Variants in PALM2AKAP2 observed in about 807,000 individuals in gnomAD.
PALM2AKAP2 encodes the protein PALM2-AKAP2 fusion protein.
A neutral mutation model predicts 71.5 loss-of-function variants in PALM2AKAP2; 37 were observed. That is an observed-to-expected ratio of 0.52 (90% CI 0.40 to 0.68). The LOEUF is 0.68. Among genes scored for constraint, PALM2AKAP2 ranks in the 30% least tolerant of loss-of-function variants. PALM2AKAP2 has a pLI of 0.00. For missense variants in PALM2AKAP2, 1,224 were observed against 1,191.8 expected (o/e 1.03, Z -0.40); for synonymous variants, 468 against 478.8 (o/e 0.98, Z 0.29).
chr9:110,150,619 C>A (rs1235048505), intron 2 of PALM2AKAP2, among the ~76,000 whole-genome samples: 4 of 152,174 alleles, frequency 2.6e-5, no homozygotes, highest in Non-Finnish European at 5.9e-5. Context: ...TCTAAAGCAA[C>A]GTATTACAGG....
chr9:110,126,844 A>C (rs1353082089), intron 1 of PALM2AKAP2, among the ~76,000 whole-genome samples: 1 of 152,188 alleles, frequency 6.6e-6, no homozygotes, highest in East Asian at 1.9e-4. Context: ...AACATTTTCC[A>C]GATGTGATTG....
At chr9:110,101,497 C>A (rs972664330) in intron 1 of PALM2AKAP2, among the ~76,000 whole-genome samples, 2 of 152,098 alleles carry the variant, frequency 1.3e-5, no homozygotes, top group African/African-American at 2.4e-5. Flanking sequence ...TCAAGGCAGA[C>A]AAAGGTAGTC....
chr9:109,796,827 C>G (rs1000529633), intron 1 of PALM2AKAP2, among the ~76,000 whole-genome samples: 2 of 152,122 alleles, frequency 1.3e-5, no homozygotes, highest in African/African-American at 4.8e-5. Flanking sequence ...AGGTTCTGCC[C>G]CTGACACATG....
At chr9:109,942,825 T>G (rs766706568) in intron 6 of PALM2AKAP2, 2 of 1,614,026 alleles carry the variant, frequency 1.2e-6, no homozygotes, top group African/African-American at 2.7e-5. Flanking sequence ...AAGTAGTGTA[T>G]GAGGTGCGCT....
At chr9:109,836,851 CA>C (rs748129184) in intron 1 of PALM2AKAP2, among the ~76,000 whole-genome samples, 10 of 152,142 alleles carry the variant, frequency 6.6e-5, no homozygotes, top group Non-Finnish European at 1.5e-4. Context: ...AAGAAATGAA[CA>C]AAGCCTCCAA....
intron 1 of PALM2AKAP2, among the ~76,000 whole-genome samples, chr9:109,666,615 C>T (rs1293783443): frequency 6.6e-6 from 1 of 152,188 alleles, no homozygotes; most frequent in Non-Finnish European, 1.5e-5. Context: ...ATGCTTTATG[C>T]CGTTGCTCTT....
chr9:110,147,994 A>C (rs1836221010), intron 2 of PALM2AKAP2, among the ~76,000 whole-genome samples: 1 of 152,194 alleles, frequency 6.6e-6, no homozygotes, highest in South Asian at 2.1e-4. Context: ...GAAAAACTAA[A>C]GAGTAAAAAG....
At chr9:109,684,205 A>C (rs931564221) in intron 1 of PALM2AKAP2, among the ~76,000 whole-genome samples, 3 of 152,134 alleles carry the variant, frequency 2.0e-5, no homozygotes, top group Admixed American at 6.6e-5. Flanking sequence ...CCTCCTTTCT[A>C]TCAGTGGGTT....
At chr9:109,854,577 A>T (rs1339309769) in intron 1 of PALM2AKAP2, among the ~76,000 whole-genome samples, 5 of 152,206 alleles carry the variant, frequency 3.3e-5, no homozygotes, top group Non-Finnish European at 4.4e-5. Context: ...AAGAGCAAAG[A>T]TGAAAGCATT....
At chr9:109,961,199 T>C (rs901350410) in intron 6 of PALM2AKAP2, among the ~76,000 whole-genome samples, 1 of 152,224 alleles carries the variant, frequency 6.6e-6, no homozygotes, top group African/African-American at 2.4e-5. Context: ...AACCAGAAAC[T>C]TACTTTATAA....
At chr9:109,698,295 G>A (rs1292894243) in intron 1 of PALM2AKAP2, among the ~76,000 whole-genome samples, 1 of 35,900 alleles carries the variant, frequency 2.8e-5, no homozygotes. Context: ...TTTTTTTTTT[G>A]AGACGGAGTT....
chr9:109,942,661 T>C (rs1213154871), intron 6 of PALM2AKAP2: 1 of 1,523,636 alleles, frequency 6.6e-7, no homozygotes, highest in Admixed American at 2.2e-5. Context: ...TAACATGCAC[T>C]TCCTTTCTCT....
At chr9:110,141,326 T>C (rs1328688253) in intron 2 of PALM2AKAP2, among the ~76,000 whole-genome samples, 3 of 152,144 alleles carry the variant, frequency 2.0e-5, no homozygotes, top group Non-Finnish European at 4.4e-5. Flanking sequence ...GGGATGGTAA[T>C]TCATCCGTGC....
chr9:109,902,451 C>T (rs1161818708), intron 3 of PALM2AKAP2, among the ~76,000 whole-genome samples: 10 of 152,338 alleles, frequency 6.6e-5, no homozygotes, highest in Non-Finnish European at 1.3e-4. Context: ...GACGTCAATT[C>T]AGCCATCCCT....
chr9:109,924,792 T>C (rs1259017002), intron 4 of PALM2AKAP2, among the ~76,000 whole-genome samples: 2 of 152,206 alleles, frequency 1.3e-5, no homozygotes, highest in East Asian at 3.8e-4. Context: ...GATGGGATTT[T>C]CTGATATCAT....
intron 1 of PALM2AKAP2, among the ~76,000 whole-genome samples, chr9:109,645,698 T>C (rs1247747831): frequency 6.7e-6 from 1 of 149,036 alleles, no homozygotes; most frequent in Admixed American, 6.7e-5. Flanking sequence ...GAGAGCTAAA[T>C]GATGTGTACA....
At chr9:110,131,645 C>G (rs1835737566) in intron 1 of PALM2AKAP2, among the ~76,000 whole-genome samples, 1 of 152,150 alleles carries the variant, frequency 6.6e-6, no homozygotes, top group South Asian at 2.1e-4. Context: ...TTCTATCAGG[C>G]CATCATGCAT....
chr9:109,699,352 A>G (rs371051676), intron 1 of PALM2AKAP2, among the ~76,000 whole-genome samples: 1 of 152,250 alleles, frequency 6.6e-6, no homozygotes, highest in African/African-American at 2.4e-5. Context: ...GCTTGAAACT[A>G]GTTCTTGCCA....
At chr9:109,995,088 T>C (rs1344429239) in intron 6 of PALM2AKAP2, among the ~76,000 whole-genome samples, 2 of 152,196 alleles carry the variant, frequency 1.3e-5, no homozygotes, top group African/African-American at 4.8e-5. Flanking sequence ...TTTATAGGCT[T>C]CTACATGATT....
Sources: allele counts gnomAD v4.1 joint callset (sites outside exome capture counted in the v4.1 genomes callset), GRCh38; gene constraint gnomAD v4.1.1; transcripts MANE v1.5; gene names NCBI Gene and HGNC (gene_info 2026-07-23, HGNC 2026-07-21).